The following FAM86B1 variants were observed in gnomAD, a reference collection of about 807,000 sequenced individuals.
The protein encoded by FAM86B1 is family with sequence similarity 86 member B1 (gene/pseudogene), also known as putative protein N-methyltransferase FAM86B1.
For synonymous variants in FAM86B1, 4 were observed against 137.6 expected (o/e 0.03, Z 6.79); for missense variants, 13 against 328.1 (o/e 0.04, Z 7.42).
chr8:12,187,337 C>T (rs1467503109), intron 3 of FAM86B1, among the ~76,000 whole-genome samples: 1 of 5,252 alleles, frequency 1.9e-4, no homozygotes, highest in African/African-American at 3.3e-4. Flanking sequence ...TGACTACAGG[C>T]GTGTGCCACC....
intron 2 of FAM86B1, among the ~76,000 whole-genome samples, chr8:12,191,192 C>A (rs1254460376): frequency 1.9e-3 from 89 of 47,888 alleles, no homozygotes; most frequent in Middle Eastern, 0.017. Context: ...TGGTGCACTT[C>A]TTTCTGGGAG....
At chr8:12,191,042 G>C (rs1357893380) in intron 2 of FAM86B1, among the ~76,000 whole-genome samples, 2 of 149,700 alleles carry the variant, frequency 1.3e-5, no homozygotes, top group Non-Finnish European at 2.9e-5. Flanking sequence ...AGTCTTCCCT[G>C]CTGTGGCTGC....
intron 2 of FAM86B1, among the ~76,000 whole-genome samples, chr8:12,190,235 C>T (rs1188931720): frequency 1.4e-5 from 2 of 139,292 alleles, no homozygotes; most frequent in Non-Finnish European, 1.5e-5. Context: ...ATGGAAGAGG[C>T]GGGAAGGCCC....
intron 1 of FAM86B1, among the ~76,000 whole-genome samples, chr8:12,192,929 A>C (rs1288890586): frequency 6.8e-6 from 1 of 147,786 alleles, no homozygotes; most frequent in African/African-American, 2.6e-5. Flanking sequence ...AATAGCACAG[A>C]GAGATACAGT....
chr8:12,187,174 CT>C, intron 3 of FAM86B1, among the ~76,000 whole-genome samples: 1 of 29,116 alleles, frequency 3.4e-5, no homozygotes, highest in Non-Finnish European at 9.5e-5. Context: ...TATGTTTTTC[CT>C]TTGTGGTTTT....
At chr8:12,192,481 C>T (rs1446303254) in intron 1 of FAM86B1, among the ~76,000 whole-genome samples, 1 of 129,008 alleles carries the variant, frequency 7.8e-6, no homozygotes, top group Non-Finnish European at 1.6e-5. Context: ...CACAACAGGG[C>T]CTTTGCATAT....
intron 2 of FAM86B1, among the ~76,000 whole-genome samples, chr8:12,191,033 G>T (rs1806771018): frequency 6.7e-6 from 1 of 149,248 alleles, no homozygotes. Context: ...TGCCCCGAAA[G>T]TCTTCCCTGC....
chr8:12,194,171 G>A, upstream of FAM86B1: 1 of 1,404,776 alleles, frequency 7.1e-7, no homozygotes, highest in Middle Eastern at 2.5e-4. Context: ...GCAGAGAGGG[G>A]GCGGGGCCTG....
At chr8:12,189,298 ATAAGT>A in intron 3 of FAM86B1, among the ~76,000 whole-genome samples, 1 of 78,860 alleles carries the variant, frequency 1.3e-5, no homozygotes, top group Non-Finnish European at 2.5e-5. Context: ...AAATAAATAA[ATAAGT>A]AAAAAATAAA....
chr8:12,186,262 C>G lies in FAM86B1; in HGVS notation c.640+90G>C, dbSNP rs1235948657. The G allele has an allele frequency of 5.3e-5, 63 of 1,185,046 alleles. 4 individuals are homozygous for G. The highest frequency in any genetic ancestry group is 6.9e-5 in the Non-Finnish European group (62 of 896,166). The allele number at this position is 1,185,046 out of a possible 1,614,324, so 73.4% of individuals were successfully genotyped here. A position where few individuals can be genotyped will look rare whatever the true frequency, so the allele number is the denominator to read the frequency against. ...GAAGCCCCATCACATCCATGCCCGA[C>G]AGTGTCCATTGTTCCCTTTTCCCAG... is the stretch of plus-strand genomic sequence containing the variant. On this transcript the variant is annotated intron_variant, in intron 5 of 6. Transcript: ENST00000448228.
chr8:12,192,810 A>C (rs1477555256), intron 1 of FAM86B1, among the ~76,000 whole-genome samples: 2 of 150,346 alleles, frequency 1.3e-5, no homozygotes, highest in East Asian at 3.8e-4. Flanking sequence ...TAACACCGAC[A>C]TGCATTTACC....
intron 1 of FAM86B1, among the ~76,000 whole-genome samples, chr8:12,192,962 G>A (rs1241316206): frequency 2.8e-5 from 4 of 144,856 alleles, no homozygotes; most frequent in Non-Finnish European, 4.5e-5. Context: ...GTCACACAGG[G>A]CCAGGGGTTG....
At chr8:12,185,873 T>A in intron 5 of FAM86B1, 1 of 241,336 alleles carries the variant, frequency 4.1e-6, no homozygotes, top group Admixed American at 8.9e-5. Context: ...TCTGCTGGCT[T>A]GCAGGGGTGG....
At chr8:12,193,010 T>G (rs1456119554) in intron 1 of FAM86B1, among the ~76,000 whole-genome samples, 1 of 143,572 alleles carries the variant, frequency 7.0e-6, no homozygotes, top group Non-Finnish European at 1.5e-5. Context: ...CTCCTGGGTC[T>G]GAACTCTCAA....
chr8:12,193,377 G>A (rs1213486238), intron 1 of FAM86B1, among the ~76,000 whole-genome samples: 1 of 141,876 alleles, frequency 7.0e-6, no homozygotes, highest in Non-Finnish European at 1.5e-5. Context: ...GGAACGGGGT[G>A]CATTAAGCCC....
In FAM86B1 at chr8:12,191,245, T is replaced by G. The variant is rs1173139071; in HGVS notation, c.159+534A>C. On this transcript the variant is annotated intron_variant, in intron 2 of 6. Transcript: ENST00000448228. ...CTTTTCAGAAGGGCTCATGGCTCTT[T>G]GAAGGTGAAGACCCAGGATGCAGGG... Among the ~76,000 whole-genome samples, 4 of 44,724 alleles carry G rather than the reference T, an allele frequency of 8.9e-5. 1 individual carries two copies. Among genetic ancestry groups the G allele is most frequent in the Non-Finnish European group, 1.4e-4 (4 of 28,246 alleles). The allele number at this position is 44,724 out of a possible 152,430, so 29.3% of individuals were successfully genotyped here.
At chr8:12,188,382 GC>G in intron 3 of FAM86B1, 1 of 410,420 alleles carries the variant, frequency 2.4e-6, no homozygotes, top group Non-Finnish European at 4.5e-6. Context: ...GACTGCTTGA[GC>G]CCAGGAGTTC....
At position 12,192,788 on chromosome 8, in the gene FAM86B1, G is replaced by T. The variant is rs1188781630; in HGVS notation, c.97-947C>A. Among the ~76,000 whole-genome samples, 1,400 of 147,892 alleles carry T rather than the reference G, an allele frequency of 9.5e-3. 13 individuals carry two copies. The highest frequency in any genetic ancestry group is 0.036 in the African/African-American group (1,339 of 37,704). ...ATTTATTAAACATTTTGAGACTGAAGAAAACACTAGCTAACACCGACATGC... is the reference window on the plus strand; with the variant it reads ...ATTTATTAAACATTTTGAGACTGAATAAAACACTAGCTAACACCGACATGC... On this transcript the variant is annotated intron_variant, in intron 1 of 6. Coordinates refer to ENST00000448228, the MANE Select transcript of FAM86B1 (RefSeq NM_001083537.4).
At position 12,186,757 on chromosome 8, in the gene FAM86B1, TC is replaced by T. The variant is rs1336306027; in HGVS notation, c.316del (p.Asp106MetfsTer23). ...CCATTCTGCAAGGTAGAGGGCGGCA[TC>T]CCATGTGACCAGGCCTGTGGTACCG... ...SHGTTGLVTW[D>X]AALYLAEWAI... On this transcript the variant is annotated frameshift_variant, in exon 4 of 7. Coordinates refer to ENST00000448228, the MANE Select transcript of FAM86B1 (RefSeq NM_001083537.4). LOFTEE classifies it high-confidence loss of function. 3 of 1,239,304 alleles carry T rather than the reference TC, an allele frequency of 2.4e-6. No individual in the cohort carries two copies. Among genetic ancestry groups the T allele is most frequent in the Non-Finnish European group, 2.3e-6 (2 of 888,832 alleles). The allele number at this position is 1,239,304 out of a possible 1,614,324, so 76.8% of individuals were successfully genotyped here.
Sources: gnomAD v4.1 joint callset for allele counts (sites outside exome capture counted in the v4.1 genomes callset) on GRCh38, gnomAD v4.1.1 for gene constraint, MANE v1.5 for transcripts, NCBI Gene and HGNC (gene_info 2026-07-23, HGNC 2026-07-21) for gene names.